Variants in FRMD3 observed in about 807,000 individuals in gnomAD.
The protein encoded by FRMD3 is FERM domain-containing protein 3.
In FRMD3, 33 loss-of-function variants were observed where a neutral mutation model predicts 70.2. The ratio of observed to expected loss-of-function variants is 0.47; its 90% CI spans 0.36 to 0.63. The LOEUF is 0.63. Ranked by LOEUF, FRMD3 falls within the 20% of genes least tolerant of loss-of-function variation. FRMD3 has a pLI of 0.00. For missense variants in FRMD3, 632 were observed against 711.4 expected, an observed-to-expected ratio of 0.89 and a Z score of 1.27; for synonymous variants, 279 against 255.9, an observed-to-expected ratio of 1.09 and a Z score of -0.86.
At chr9:83,558,296 G>A in the FRMD3 span, among the ~76,000 whole-genome samples, 1 of 152,116 alleles carries the variant, frequency 6.6e-6, no homozygotes, top group Non-Finnish European at 1.5e-5. Context: ...GCACGCACAT[G>A]TGCATGTGTG....
At chr9:83,277,293 A>G (rs933498905) in intron 13 of FRMD3, among the ~76,000 whole-genome samples, 1 of 152,242 alleles carries the variant, frequency 6.6e-6, no homozygotes, top group South Asian at 2.1e-4. Flanking sequence ...CTACACATTT[A>G]TAACAGTTTT....
chr9:83,506,084 G>A (rs1198491969), intron 1 of FRMD3, among the ~76,000 whole-genome samples: 1 of 152,212 alleles, frequency 6.6e-6, no homozygotes, highest in East Asian at 1.9e-4. Flanking sequence ...AGTAGGAAGA[G>A]TAGATAACTT....
chr9:83,413,401 G>A (rs558362306), intron 1 of FRMD3, among the ~76,000 whole-genome samples: 1 of 152,308 alleles, frequency 6.6e-6, no homozygotes, highest in Non-Finnish European at 1.5e-5. Flanking sequence ...CCATACACGA[G>A]GGAGTCATGT....
At chr9:83,275,667 A>G (rs922491832) in intron 13 of FRMD3, among the ~76,000 whole-genome samples, 3 of 152,188 alleles carry the variant, frequency 2.0e-5, no homozygotes, top group Non-Finnish European at 4.4e-5. Flanking sequence ...ATAATTGTCC[A>G]TCTCCTCTCT....
chr9:83,264,812 G>GT (rs1287956409), intron 13 of FRMD3, among the ~76,000 whole-genome samples: 1 of 151,028 alleles, frequency 6.6e-6, no homozygotes, highest in Admixed American at 6.6e-5. Flanking sequence ...AATTGTGGGG[G>GT]GAGGGGGGAA....
In FRMD3 at chr9:83,459,006, C is replaced by A. The variant is rs565625184; in HGVS notation, c.148-69298G>T. Among the ~76,000 whole-genome samples, 214 of 152,252 alleles carry A rather than the reference C, an allele frequency of 1.4e-3. 1 individual carries two copies. The highest frequency in any genetic ancestry group is 5.0e-3 in the African/African-American group (207 of 41,544). On this transcript the variant is annotated intron_variant, in intron 1 of 13. Transcript: ENST00000304195. ...AGCTACCTTTCTGCCACCTGTTCAT[C>A]AAGTTATTTTATTGTTCATTAATTG... is the stretch of plus-strand genomic sequence containing the variant.
intron 13 of FRMD3, among the ~76,000 whole-genome samples, chr9:83,269,241 A>G (rs1358064215): frequency 1.3e-5 from 2 of 152,244 alleles, no homozygotes; most frequent in Non-Finnish European, 2.9e-5. Flanking sequence ...TATGTTTATC[A>G]TCATGTTAAA....
At chr9:83,517,543 G>A (rs888136810) in intron 1 of FRMD3, among the ~76,000 whole-genome samples, 8 of 145,464 alleles carry the variant, frequency 5.5e-5, no homozygotes, top group African/African-American at 1.8e-4. Flanking sequence ...TGGATTCACA[G>A]GCGAATTCTA....
chr9:83,573,442 T>C, the FRMD3 span, among the ~76,000 whole-genome samples: 1 of 152,178 alleles, frequency 6.6e-6, no homozygotes, highest in Non-Finnish European at 1.5e-5. Flanking sequence ...TATATTCTTT[T>C]GGTTATAAGT....
chr9:83,300,682 G>T (rs1834879879), intron 10 of FRMD3, among the ~76,000 whole-genome samples: 1 of 152,046 alleles, frequency 6.6e-6, no homozygotes, highest in Non-Finnish European at 1.5e-5. Flanking sequence ...ACCCCAAAAG[G>T]TATTGAAATT....
intron 1 of FRMD3, among the ~76,000 whole-genome samples, chr9:83,482,800 G>A (rs1259210285): frequency 2.0e-5 from 3 of 152,172 alleles, no homozygotes; most frequent in Admixed American, 6.5e-5. Context: ...CAAACATACA[G>A]GCAGGAAGGA....
intron 3 of FRMD3, among the ~76,000 whole-genome samples, chr9:83,362,850 C>G (rs1251920953): frequency 7.8e-6 from 1 of 128,672 alleles, no homozygotes; most frequent in Non-Finnish European, 1.6e-5. Flanking sequence ...TTCCTTCCCT[C>G]CCTCCTTCCT....
intron 1 of FRMD3, among the ~76,000 whole-genome samples, chr9:83,452,981 A>C (rs565659748): frequency 2.0e-5 from 3 of 148,212 alleles, no homozygotes; most frequent in South Asian, 4.2e-4. Context: ...CAGCCTCTTG[A>C]GTAGCTGGGA....
chr9:83,498,587 C>A (rs1162637432), intron 1 of FRMD3, among the ~76,000 whole-genome samples: 1 of 152,172 alleles, frequency 6.6e-6, no homozygotes, highest in African/African-American at 2.4e-5. Context: ...CTCAGTCATA[C>A]TAGCTGTATT....
At chr9:83,267,998 A>G (rs1833354928) in intron 13 of FRMD3, among the ~76,000 whole-genome samples, 1 of 152,232 alleles carries the variant, frequency 6.6e-6, no homozygotes, top group Admixed American at 6.5e-5. Flanking sequence ...TAGAGAGAGT[A>G]ACTGACCTGA....
At chr9:83,423,581 G>GTTT (rs1229194226) in intron 1 of FRMD3, among the ~76,000 whole-genome samples, 20 of 62,396 alleles carry the variant, frequency 3.2e-4, no homozygotes, top group Admixed American at 6.6e-4. Context: ...CACTAGCCCT[G>GTTT]TTTCTTTTTT....
At chr9:83,512,370 C>T (rs978542420) in intron 1 of FRMD3, among the ~76,000 whole-genome samples, 2 of 152,122 alleles carry the variant, frequency 1.3e-5, no homozygotes, top group Admixed American at 6.5e-5. Flanking sequence ...AACAGGCACA[C>T]AAGGGGTGAA....
downstream of FRMD3, among the ~76,000 whole-genome samples, chr9:83,243,761 T>C (rs1748542710): frequency 6.6e-6 from 1 of 152,144 alleles, no homozygotes; most frequent in African/African-American, 2.4e-5. Flanking sequence ...GCTTGACTTC[T>C]ATTGTATTCC....
intron 13 of FRMD3, among the ~76,000 whole-genome samples, chr9:83,287,257 T>C (rs539619490): frequency 6.6e-6 from 1 of 152,192 alleles, no homozygotes; most frequent in Non-Finnish European, 1.5e-5. Flanking sequence ...ACATTTTTGG[T>C]TGTCAAGACC....
Sources: allele counts gnomAD v4.1 joint callset (sites outside exome capture counted in the v4.1 genomes callset), GRCh38; gene constraint gnomAD v4.1.1; transcripts MANE v1.5; gene names NCBI Gene and HGNC (gene_info 2026-07-23, HGNC 2026-07-21).